The following FMN1 variants were observed in gnomAD, a reference collection of about 807,000 sequenced individuals.
FMN1 encodes the protein formin 1.
Under a neutral mutation model 132.4 loss-of-function variants are expected in FMN1, and 110 were observed. The ratio of observed to expected loss-of-function variants is 0.83; its 90% CI spans 0.71 to 0.97. The LOEUF (loss-of-function observed/expected upper bound fraction) is 0.97. FMN1 is among the 50% of genes least tolerant of loss of function. FMN1 has a pLI of 0.00. For synonymous variants in FMN1, 722 were observed against 651.7 expected (o/e 1.11, Z -1.64); for missense variants, 1,792 against 1,705.3 (o/e 1.05, Z -0.90).
At chr15:32,859,919 A>G (rs2059225303) in intron 16 of FMN1, among the ~76,000 whole-genome samples, 1 of 152,068 alleles carries the variant, frequency 6.6e-6, no homozygotes. Context: ...ATGCCTGTAG[A>G]CCCAGCTACA....
intron 7 of FMN1, among the ~76,000 whole-genome samples, chr15:32,987,310 A>G (rs1014754728): frequency 2.6e-5 from 4 of 152,194 alleles, no homozygotes; most frequent in African/African-American, 4.8e-5. Flanking sequence ...TGTCAGTTAC[A>G]AGAGATGACA....
At chr15:32,990,211 A>C (rs1410369753) in intron 7 of FMN1, among the ~76,000 whole-genome samples, 2 of 152,204 alleles carry the variant, frequency 1.3e-5, no homozygotes, top group Non-Finnish European at 2.9e-5. Context: ...GAAATCTCCA[A>C]GAGACAAAAT....
intron 9 of FMN1, among the ~76,000 whole-genome samples, chr15:32,960,242 G>C (rs2030355851): frequency 6.6e-6 from 1 of 152,174 alleles, no homozygotes. Context: ...AGGAGAGAGA[G>C]GGTGGGGTGA....
At chr15:33,156,889 A>T (rs1964692304) in intron 3 of FMN1, among the ~76,000 whole-genome samples, 1 of 152,184 alleles carries the variant, frequency 6.6e-6, no homozygotes, top group African/African-American at 2.4e-5. Flanking sequence ...TCTCTCTTCA[A>T]GCATCATTTT....
intron 7 of FMN1, among the ~76,000 whole-genome samples, chr15:32,978,684 A>C (rs1322584373): frequency 6.6e-6 from 1 of 152,200 alleles, no homozygotes; most frequent in Non-Finnish European, 1.5e-5. Context: ...TCCTTAATAC[A>C]CTGTGACAAA....
In FMN1 at chr15:33,153,312, G is replaced by A. The variant is rs868087034; in HGVS notation, c.1603C>T (p.His535Tyr). Residue 535 changes from histidine to tyrosine, a missense_variant, in exon 4 of 21, where the codon CAC becomes TAC. Physicochemically the swap from His to Tyr is moderately conservative, Grantham distance 83 (BLOSUM62 2). Transcript: ENST00000616417. ...AATGCAGGGAGCCGGAGGATCCTGT[G>A]ATGCTGCTGAGGGCTGGGGAGCCTT... ...SPRLPSPQQH[H>Y]RILRLPALPG... 1 of 1,536,346 alleles carries A rather than the reference G, an allele frequency of 6.5e-7. No individual in the cohort carries two copies. Among genetic ancestry groups the A allele is most frequent in the South Asian group, 1.2e-5 (1 of 84,058 alleles).
chr15:32,944,804 G>A (rs1408988614), intron 9 of FMN1, among the ~76,000 whole-genome samples: 1 of 152,056 alleles, frequency 6.6e-6, no homozygotes, highest in Non-Finnish European at 1.5e-5. Flanking sequence ...GGAGGGTAGG[G>A]CTGTGGGCAG....
At chr15:32,826,775 C>A (rs768613059) in intron 17 of FMN1, among the ~76,000 whole-genome samples, 2 of 152,182 alleles carry the variant, frequency 1.3e-5, no homozygotes, top group Non-Finnish European at 1.5e-5. Flanking sequence ...TACAATATTC[C>A]AGGCGGCTTC....
chr15:32,926,319 G>A (rs1234096734), intron 9 of FMN1, 58 bp from the exon 10 acceptor site: 5 of 948,644 alleles, frequency 5.3e-6, no homozygotes, highest in Non-Finnish European at 4.7e-6. Context: ...CAGTCTTTCA[G>A]GACGCACACC....
At chr15:33,101,377 T>C (rs558932366) in intron 4 of FMN1, among the ~76,000 whole-genome samples, 2 of 152,272 alleles carry the variant, frequency 1.3e-5, no homozygotes, top group African/African-American at 4.8e-5. Flanking sequence ...TCTAATCTTT[T>C]GGCTTCCCTG....
intron 6 of FMN1, among the ~76,000 whole-genome samples, chr15:33,016,083 T>C (rs893820247): frequency 6.6e-6 from 1 of 152,206 alleles, no homozygotes; most frequent in African/African-American, 2.4e-5. Context: ...ACTGCTTTAA[T>C]AAGGCTTATT....
rs148403996 is a variant in FMN1, at chr15:32,920,102, G to C, written c.3226+6072C>G. On this transcript the variant is annotated intron_variant, in intron 10 of 20. Coordinates refer to ENST00000616417, the MANE Select transcript of FMN1 (RefSeq NM_001277313.2). ...ATGGGAAATTCCAAATGAATGCCAG[G>C]AGGTTTCTGGCATCTAGTCTGTTGC... Among the ~76,000 whole-genome samples the C allele has an allele frequency of 2.6e-3, 395 of 152,254 alleles. 4 individuals carry two copies. The highest frequency in any genetic ancestry group is 9.3e-3 in the African/African-American group (385 of 41,536).
At chr15:33,160,746 T>C (rs1021099223) in intron 3 of FMN1, among the ~76,000 whole-genome samples, 1 of 152,224 alleles carries the variant, frequency 6.6e-6, no homozygotes, top group Non-Finnish European at 1.5e-5. Context: ...TGACCTGCTC[T>C]GGTTATGTTC....
chr15:33,107,319 G>T (rs1244139714), intron 4 of FMN1, among the ~76,000 whole-genome samples: 1 of 151,918 alleles, frequency 6.6e-6, no homozygotes, highest in Non-Finnish European at 1.5e-5. Flanking sequence ...TTCCACTCGT[G>T]CCTAGACACA....
intron 4 of FMN1, among the ~76,000 whole-genome samples, chr15:33,145,988 T>G: frequency 6.6e-6 from 1 of 152,108 alleles, no homozygotes; most frequent in Middle Eastern, 3.4e-3. Flanking sequence ...TTTTTTTTTT[T>G]TTTTTGAAAT....
At chr15:32,965,032 C>T (rs747421540) in intron 8 of FMN1, among the ~76,000 whole-genome samples, 1 of 152,184 alleles carries the variant, frequency 6.6e-6, no homozygotes, top group Non-Finnish European at 1.5e-5. Context: ...CTCCAGTGGT[C>T]ACTCCTCAGG....
At position 32,772,514 on chromosome 15, in the gene FMN1, T is replaced by G. The variant is rs751676592; in HGVS notation, c.*1796A>C. 3.9e-5 allele frequency: 6 copies of G among 152,258 alleles called. No homozygotes were observed. The highest frequency in any genetic ancestry group is 7.3e-5 in the Non-Finnish European group (5 of 68,044). The allele number at this position is 152,258 out of a possible 1,614,324, so 9.4% of individuals were successfully genotyped here. ...GAGTTAAGTGAAAATGAAGAGAAAC[T>G]ATGTAAGAAAGCAGCATAAAAAGCT... is the stretch of plus-strand genomic sequence containing the variant. On this transcript the variant is annotated 3_prime_UTR_variant, in exon 21 of 21. Transcript: ENST00000616417.
At chr15:33,116,275 C>G (rs1566929624) in intron 4 of FMN1, among the ~76,000 whole-genome samples, 1 of 152,182 alleles carries the variant, frequency 6.6e-6, no homozygotes, top group African/African-American at 2.4e-5. Context: ...TTATAAAACT[C>G]TTTTAAAGTA....
chr15:32,950,028 T>C (rs1490269238), intron 9 of FMN1, among the ~76,000 whole-genome samples: 2 of 6,338 alleles, frequency 3.2e-4, no homozygotes, highest in Non-Finnish European at 7.0e-4. Flanking sequence ...CATATATATA[T>C]ATATACACAT....
Sources: gnomAD v4.1 joint callset for allele counts (sites outside exome capture counted in the v4.1 genomes callset) on GRCh38, gnomAD v4.1.1 for gene constraint, MANE v1.5 for transcripts, NCBI Gene and HGNC (gene_info 2026-07-23, HGNC 2026-07-21) for gene names.